PROX1: variants seen among roughly 807,000 people sequenced by gnomAD.
PROX1 encodes prospero homeobox 1.
Under a neutral mutation model 58.8 loss-of-function variants are expected in PROX1, and 7 were observed. The observed-to-expected ratio is 0.12, with a 90% CI of 0.07 to 0.22. The LOEUF (loss-of-function observed/expected upper bound fraction) is 0.22, where lower values mean the gene tolerates loss of function less well. Ranked by LOEUF, PROX1 falls within the 10% of genes least tolerant of loss-of-function variation. The pLI is 1.00. For synonymous variants in PROX1, 350 were observed against 358.3 expected (o/e 0.98, Z 0.26); for missense variants, 675 against 927.8 (o/e 0.73, Z 3.54).
intron 3 of PROX1, among the ~76,000 whole-genome samples, chr1:214,011,301 G>T (rs778655074): frequency 2.8e-4 from 43 of 152,272 alleles, no homozygotes; most frequent in Admixed American, 4.6e-4. Context: ...CCACTTGAAA[G>T]GTAGAGGGTT....
chr1:214,002,412 C>CTTTTTTTTTTTTTTTTTTTTTTTCTTTT (rs774337530), intron 2 of PROX1, among the ~76,000 whole-genome samples: 1 of 116,378 alleles, frequency 8.6e-6, no homozygotes, highest in African/African-American at 3.3e-5. Flanking sequence ...TTTCTTTTTT[C>CTTTTTTTTTTTTTTTTTTTTTTTCTTTT]TTTTTTTTTT....
chr1:214,001,953 T>C (rs991064160), intron 2 of PROX1, among the ~76,000 whole-genome samples: 2 of 152,198 alleles, frequency 1.3e-5, no homozygotes, highest in African/African-American at 2.4e-5. Flanking sequence ...ACTGTCATTA[T>C]GTGAGAGAGT....
chr1:214,022,333 A>C (rs2102756202), intron 4 of PROX1, among the ~76,000 whole-genome samples: 1 of 152,374 alleles, frequency 6.6e-6, no homozygotes, highest in Non-Finnish European at 1.5e-5. Flanking sequence ...ATTAGCACAA[A>C]GTAAGTGCTG....
intron 1 of PROX1, among the ~76,000 whole-genome samples, chr1:213,991,937 C>T (rs1013503749): frequency 6.6e-6 from 1 of 152,098 alleles, no homozygotes; most frequent in African/African-American, 2.4e-5. Flanking sequence ...AATTAAGTAC[C>T]TGTGTAACTT....
chr1:213,987,205 A>T (rs340872), upstream of PROX1, among the ~76,000 whole-genome samples: 70,790 of 151,994 alleles, frequency 0.47, 17,410 homozygotes, highest in South Asian at 0.59. Flanking sequence ...GACTGGAGAT[A>T]AACTGGGACT....
chr1:213,990,030 T>C (rs1465176909), intron 1 of PROX1, among the ~76,000 whole-genome samples: 1 of 151,390 alleles, frequency 6.6e-6, no homozygotes, highest in Non-Finnish European at 1.5e-5. Flanking sequence ...GCTGTCTCCT[T>C]GAGCTTATAA....
At chr1:214,004,966 G>A (rs1663654228) in intron 2 of PROX1, among the ~76,000 whole-genome samples, 199 bp from the exon 3 acceptor site, 1 of 152,174 alleles carries the variant, frequency 6.6e-6, no homozygotes, top group Admixed American at 6.5e-5. Flanking sequence ...CATTGCATGT[G>A]GCAACCTCTG....
chr1:214,032,460 C>A (rs1664690304), intron 4 of PROX1, among the ~76,000 whole-genome samples: 1 of 151,646 alleles, frequency 6.6e-6, no homozygotes, highest in South Asian at 2.1e-4. Context: ...AATGGTGCAA[C>A]CTCAGCTCAC....
chr1:214,005,960 G>A (rs182845614), intron 3 of PROX1, among the ~76,000 whole-genome samples: 1 of 151,990 alleles, frequency 6.6e-6, no homozygotes, highest in South Asian at 2.1e-4. Context: ...GTGTGTGTGT[G>A]TGTATGTGTC....
At chr1:214,011,472 T>C (rs1663907485) in intron 3 of PROX1, 49 bp from the exon 4 acceptor site, 2 of 1,484,134 alleles carry the variant, frequency 1.3e-6, no homozygotes, top group Non-Finnish European at 1.8e-6. Context: ...AAAAAATAAA[T>C]GAAGAAAATG....
In PROX1 at chr1:214,039,877, A is replaced by C. The variant is rs780175619; in HGVS notation, c.*4043A>C. The C allele has an allele frequency of 6.6e-6, 1 of 152,194 alleles. No homozygotes were observed. The highest frequency in any genetic ancestry group is 1.5e-5 in the Non-Finnish European group (1 of 68,052). The allele number at this position is 152,194 out of a possible 1,614,324, so 9.4% of individuals were successfully genotyped here. ...GCTAATGATTTGGGGACTTTAAAAA[A>C]TAGGATGTCCTCCAGGAACAATCAT... On this transcript the variant is annotated 3_prime_UTR_variant, in exon 5 of 5. Transcript: ENST00000366958.
At chr1:214,008,305 T>C (rs987612540) in intron 3 of PROX1, among the ~76,000 whole-genome samples, 1 of 152,148 alleles carries the variant, frequency 6.6e-6, no homozygotes, top group African/African-American at 2.4e-5. Context: ...TCTGCCTGCC[T>C]TGGCGTCCCA....
intron 1 of PROX1, among the ~76,000 whole-genome samples, chr1:213,994,787 AT>A (rs1663189005): frequency 3.7e-5 from 3 of 80,912 alleles, no homozygotes; most frequent in African/African-American, 1.4e-4. Flanking sequence ...ATATATATAT[AT>A]ATATATATAT....
chr1:214,005,388 T>A, intron 3 of PROX1, 116 bp downstream of exon 3: 1 of 744,722 alleles, frequency 1.3e-6, no homozygotes, highest in Non-Finnish European at 2.2e-6. Context: ...ACCTGTGTTA[T>A]AATTGATTTA....
intron 4 of PROX1, among the ~76,000 whole-genome samples, chr1:214,019,959 C>T (rs1664225821): frequency 2.0e-5 from 3 of 152,266 alleles, no homozygotes; most frequent in African/African-American, 7.2e-5. Context: ...CAAATCACTC[C>T]GAAGTCTACA....
At chr1:213,987,718 T>C (rs941727476), upstream of PROX1, 3 of 11,380 alleles carry the variant, frequency 2.6e-4, no homozygotes, top group African/African-American at 7.0e-4. Context: ...GGGGTGGGGG[T>C]GGGGGCCGGG....
intron 4 of PROX1, chr1:214,029,114 C>T (rs1664557860): frequency 6.6e-6 from 1 of 152,178 alleles, no homozygotes. Context: ...TAACAAACAG[C>T]AGGGATGGGA....
In PROX1 at chr1:213,998,064, C is replaced by G; in HGVS notation, c.1529C>G (p.Ala510Gly). Residue 510 changes from alanine (A) to glycine (G), a missense_variant, in exon 2 of 5, where the codon GCC becomes GGC. Ala to Gly is a moderately conservative substitution (Grantham distance 60, BLOSUM62 0). This residue lies in a region of PROX1 where 403 missense variants were observed against 477.4 expected (regional missense o/e 0.84). Transcript: ENST00000366958. ...GGCTCCTTCTCTGGAAAAGACAGAG[C>G]CTCTCCTGAATCCTTAGACTTAACT... ...PSGSFSGKDR[A>G]SPESLDLTRD... 1 of 1,613,084 alleles carries G rather than the reference C, an allele frequency of 6.2e-7. No individual in the cohort carries two copies. Among genetic ancestry groups the G allele is most frequent in the Non-Finnish European group, 8.5e-7 (1 of 1,179,402 alleles).
At position 213,996,712 on chromosome 1, in the gene PROX1, G is replaced by A. The variant is rs1226864812; in HGVS notation, c.177G>A (p.Val59=). The change falls in exon 2 of 5, where the codon GTG becomes GTA. Residue 59 remains valine (V), a synonymous_variant. Transcript: ENST00000366958. ...GSEQDVEYSV[V]QHADGEKSNV... ...AGCAGGATGTTGAGTATTCAGTGGT[G>A]CAGCATGCAGATGGGGAAAAGTCAA... The A allele has an allele frequency of 1.2e-6, 2 of 1,614,108 alleles. No individual in the cohort carries two copies. Among genetic ancestry groups the A allele is most frequent in the African/African-American group, 1.3e-5 (1 of 74,936 alleles).
Sources: gnomAD v4.1 joint callset for allele counts (sites outside exome capture counted in the v4.1 genomes callset) on GRCh38, gnomAD v4.1.1 for gene constraint, gnomAD v4.1.1 regional missense constraint, MANE v1.5 for transcripts, NCBI Gene and HGNC (gene_info 2026-07-23, HGNC 2026-07-21) for gene names.